Variants in KCND3 observed in about 807,000 individuals in gnomAD.
The protein encoded by KCND3 is potassium voltage-gated channel subfamily D member 3.
KCND3 carries 9 observed loss-of-function variants against 51.1 expected under a neutral mutation model. The ratio of observed to expected loss-of-function variants is 0.18; its 90% CI spans 0.11 to 0.31. The LOEUF is 0.31. Among genes scored for constraint, KCND3 ranks in the 10% least tolerant of loss-of-function variants. The pLI is 1.00. For synonymous variants in KCND3, 349 were observed against 368.0 expected, an observed-to-expected ratio of 0.95 and a Z score of 0.59; for missense variants, 526 against 903.8, an observed-to-expected ratio of 0.58 and a Z score of 5.36.
In KCND3 at chr1:111,922,863, T is replaced by C. The variant is rs149331668; in HGVS notation, c.1106+58758A>G. ...TGTTTTATATGGTAGTTGTAAGAAT[T>C]CAATGAGATGGCAATGTATAGTATT... On this transcript the variant is annotated intron_variant, in intron 2 of 7. Transcript: ENST00000302127. 5.3e-5 allele frequency among the ~76,000 whole-genome samples: 8 copies of C among 152,362 alleles called. No individual in the cohort carries two copies. In the East Asian group the frequency reaches 7.7e-4, roughly 15 times the overall value.
chr1:111,894,119 T>C (rs531762880), intron 2 of KCND3, among the ~76,000 whole-genome samples: 19 of 152,146 alleles, frequency 1.2e-4, no homozygotes, highest in Non-Finnish European at 2.8e-4. Context: ...AGGCTAAATC[T>C]TCCCCAGCCT....
chr1:111,830,196 T>C (rs187428492), intron 2 of KCND3, among the ~76,000 whole-genome samples: 61 of 152,332 alleles, frequency 4.0e-4, no homozygotes, highest in Admixed American at 3.7e-3. Flanking sequence ...TCAATACATA[T>C]CAATTAACAA....
At chr1:111,952,717 C>A (rs1316125781) in intron 2 of KCND3, among the ~76,000 whole-genome samples, 3 of 152,134 alleles carry the variant, frequency 2.0e-5, no homozygotes, top group Non-Finnish European at 2.9e-5. Flanking sequence ...ATGCTTACTG[C>A]TAAATATGAG....
chr1:111,923,691 T>G (rs1671575837), intron 2 of KCND3, among the ~76,000 whole-genome samples: 1 of 152,214 alleles, frequency 6.6e-6, no homozygotes, highest in African/African-American at 2.4e-5. Context: ...GCTGCACATA[T>G]TTCTGTCTCA....
intron 2 of KCND3, among the ~76,000 whole-genome samples, chr1:111,971,395 T>C (rs1210739192): frequency 6.6e-6 from 1 of 151,642 alleles, no homozygotes; most frequent in East Asian, 1.9e-4. Flanking sequence ...AGAAACACAG[T>C]ATAAAAGGGA....
Position 111,981,551 on chromosome 1 carries a change from C to G in KCND3, c.1106+70G>C, listed in dbSNP as rs537751709. On this transcript the variant is annotated intron_variant, in intron 2 of 7. Transcript: ENST00000302127. The surrounding 1 kb of genome is among the most constrained non-coding windows in gnomAD (Gnocchi z 6.2). ...CCTCCTCTACCCATGGTGACACCAT[C>G]CAAGGTTTCAGAGGTCATCCAGCTG... The G allele has an allele frequency of 6.2e-7, 1 of 1,607,904 alleles. No individual in the cohort carries two copies.
intron 1 of KCND3, among the ~76,000 whole-genome samples, chr1:111,983,713 T>A (rs140531072): frequency 6.6e-6 from 1 of 152,154 alleles, no homozygotes; most frequent in African/African-American, 2.4e-5. Context: ...TCAGGTTATA[T>A]AACAACACTC....
chr1:111,916,879 T>C (rs549659984), intron 2 of KCND3, among the ~76,000 whole-genome samples: 1 of 152,352 alleles, frequency 6.6e-6, no homozygotes, highest in African/African-American at 2.4e-5. Context: ...AATAGCCCTA[T>C]ATCTATTAAA....
intron 2 of KCND3, among the ~76,000 whole-genome samples, chr1:111,825,635 A>G (rs1196669253): frequency 6.6e-6 from 1 of 152,250 alleles, no homozygotes; most frequent in Non-Finnish European, 1.5e-5. Context: ...TGCAGAAAGA[A>G]TTAAACAAAT....
At chr1:111,868,870 G>A (rs556868628) in intron 2 of KCND3, among the ~76,000 whole-genome samples, 15 of 152,202 alleles carry the variant, frequency 9.9e-5, no homozygotes, top group East Asian at 3.9e-4. Flanking sequence ...TCTGTCTCCC[G>A]AGTAGCCGGA....
chr1:111,819,766 G>C (rs191429006), intron 2 of KCND3, among the ~76,000 whole-genome samples: 1 of 152,292 alleles, frequency 6.6e-6, no homozygotes, highest in African/African-American at 2.4e-5. Context: ...AGGTCTCCCA[G>C]CACCTGTCAC....
chr1:111,974,778 C>G (rs1004188269), intron 2 of KCND3, among the ~76,000 whole-genome samples: 4 of 152,102 alleles, frequency 2.6e-5, no homozygotes, highest in African/African-American at 4.8e-5. Flanking sequence ...AGAGGGAAAC[C>G]CAAACAAAAC....
chr1:111,851,757 G>C (rs1328883125), intron 2 of KCND3, among the ~76,000 whole-genome samples: 1 of 152,210 alleles, frequency 6.6e-6, no homozygotes, highest in Non-Finnish European at 1.5e-5. Context: ...CGAACACTCA[G>C]TGCCTGTGTG....
chr1:111,893,388 G>A (rs921334366), intron 2 of KCND3, among the ~76,000 whole-genome samples: 1 of 152,116 alleles, frequency 6.6e-6, no homozygotes, highest in African/African-American at 2.4e-5. Context: ...GCCCTCAGGA[G>A]GTGTTCAGGG....
At chr1:111,830,509 TAAG>T (rs1342183389) in intron 2 of KCND3, among the ~76,000 whole-genome samples, 2 of 152,186 alleles carry the variant, frequency 1.3e-5, no homozygotes, top group Admixed American at 1.3e-4. Flanking sequence ...GTGCAAAATT[TAAG>T]GAGGCCCTCA....
intron 2 of KCND3, among the ~76,000 whole-genome samples, chr1:111,840,604 G>T (rs182894939): frequency 6.6e-6 from 1 of 151,632 alleles, no homozygotes; most frequent in East Asian, 1.9e-4. Context: ...CATTGTTTTT[G>T]ATGTATCTTT....
intron 2 of KCND3, among the ~76,000 whole-genome samples, chr1:111,897,188 C>A (rs1380519671): frequency 6.6e-6 from 1 of 152,202 alleles, no homozygotes; most frequent in African/African-American, 2.4e-5. Context: ...AAGTCCTCAT[C>A]CACGTTTAGT....
intron 2 of KCND3, among the ~76,000 whole-genome samples, chr1:111,875,817 C>G (rs1669025965): frequency 6.6e-6 from 1 of 152,258 alleles, no homozygotes; most frequent in Admixed American, 6.5e-5. Flanking sequence ...TAGACCTGCA[C>G]TTAGCAACCA....
intron 2 of KCND3, among the ~76,000 whole-genome samples, chr1:111,940,724 A>G (rs1243412336): frequency 6.6e-6 from 1 of 152,212 alleles, no homozygotes; most frequent in Non-Finnish European, 1.5e-5. Flanking sequence ...AACTTGCTGC[A>G]CATGATAATC....
Sources: allele counts gnomAD v4.1 joint callset (sites outside exome capture counted in the v4.1 genomes callset), GRCh38; gene constraint gnomAD v4.1.1; non-coding constraint Gnocchi (gnomAD v3.1); transcripts MANE v1.5; gene names NCBI Gene and HGNC (gene_info 2026-07-23, HGNC 2026-07-21).